Variants in MCC observed in about 807,000 individuals in gnomAD.
The protein encoded by MCC is MCC regulator of Wnt signaling pathway.
In MCC, 90 loss-of-function variants were observed where a neutral mutation model predicts 116.2. The observed-to-expected ratio is 0.77, with a 90% confidence interval of 0.65 to 0.92. MCC has a LOEUF of 0.92. MCC is among the 40% of genes least tolerant of loss of function. The pLI is 0.00. For synonymous variants in MCC, 578 were observed against 510.5 expected, an observed-to-expected ratio of 1.13 and a Z score of -1.78; for missense variants, 1,516 against 1,312.2, an observed-to-expected ratio of 1.16 and a Z score of -2.40.
chr5:113,087,666 T>C (rs751611007), intron 8 of MCC, among the ~76,000 whole-genome samples: 27 of 152,300 alleles, frequency 1.8e-4, no homozygotes, highest in South Asian at 8.3e-4. Flanking sequence ...GATAAGGTCC[T>C]GAATAATTAA....
intron 3 of MCC, among the ~76,000 whole-genome samples, chr5:113,293,920 A>C (rs1443450759): frequency 6.6e-6 from 1 of 151,848 alleles, no homozygotes; most frequent in African/African-American, 2.4e-5. Context: ...CCCCCTCACC[A>C]CCACCACCCC....
intron 3 of MCC, among the ~76,000 whole-genome samples, chr5:113,225,224 T>C (rs1042924505): frequency 2.0e-5 from 3 of 152,218 alleles, no homozygotes; most frequent in Non-Finnish European, 4.4e-5. Context: ...CTTATGTGTT[T>C]TCCTGTATAT....
intron 1 of MCC, among the ~76,000 whole-genome samples, chr5:113,429,602 T>C (rs1283861504): frequency 6.6e-6 from 1 of 152,282 alleles, no homozygotes; most frequent in Non-Finnish European, 1.5e-5. Flanking sequence ...ACCTCTTTTC[T>C]CCAGGTCCTT....
At chr5:113,160,129 C>T (rs917500845) in intron 3 of MCC, among the ~76,000 whole-genome samples, 10 of 152,200 alleles carry the variant, frequency 6.6e-5, no homozygotes, top group African/African-American at 1.2e-4. Context: ...CCAAGGATGG[C>T]TGATATAGGG....
chr5:113,328,014 T>C (rs1767609813), intron 3 of MCC, among the ~76,000 whole-genome samples: 2 of 152,194 alleles, frequency 1.3e-5, no homozygotes, highest in South Asian at 4.1e-4. Flanking sequence ...ACAAGTATAA[T>C]TGACACCATA....
chr5:113,477,686 T>C (rs1314312624), intron 1 of MCC, among the ~76,000 whole-genome samples: 1 of 152,174 alleles, frequency 6.6e-6, no homozygotes, highest in East Asian at 1.9e-4. Flanking sequence ...GAAGGAATGC[T>C]TTAGATAAAA....
At chr5:113,126,185 T>C (rs1758039517) in intron 5 of MCC, among the ~76,000 whole-genome samples, 1 of 152,158 alleles carries the variant, frequency 6.6e-6, no homozygotes, top group Non-Finnish European at 1.5e-5. Context: ...TAATGTTTGC[T>C]CCTAGCTTAA....
chr5:113,120,357 ACTC>A (rs2150268705), intron 6 of MCC, among the ~76,000 whole-genome samples: 1 of 152,196 alleles, frequency 6.6e-6, no homozygotes, highest in East Asian at 1.9e-4. Context: ...AAGTGTCTTC[ACTC>A]CTCAACATAA....
At chr5:113,065,267 C>T (rs1753522830) in intron 13 of MCC, among the ~76,000 whole-genome samples, 2 of 152,108 alleles carry the variant, frequency 1.3e-5, no homozygotes, top group African/African-American at 2.4e-5. Context: ...ACGCTGAAAA[C>T]GGGGGAGGCC....
rs138716739 is a variant in MCC, at chr5:113,261,979, G to A, written c.627+78540C>T. ...AATAAAAAAAATTCCAATAGTCTAT[G>A]TGTCTATCTACCCCTCTGATAATTA... On this transcript the variant is annotated intron_variant, in intron 3 of 18. Coordinates refer to ENST00000408903, the MANE Select transcript of MCC (RefSeq NM_001085377.2). Among the ~76,000 whole-genome samples, 387 of 152,188 alleles carry A rather than the reference G, an allele frequency of 2.5e-3. 2 individuals are homozygous for A. Among genetic ancestry groups the A allele is most frequent in the East Asian group, 9.3e-3 (48 of 5,188 alleles).
chr5:113,402,788 A>T (rs1769729161), intron 1 of MCC, among the ~76,000 whole-genome samples: 1 of 152,100 alleles, frequency 6.6e-6, no homozygotes, highest in Non-Finnish European at 1.5e-5. Context: ...CAGGCAAGAA[A>T]TGTTGTCATT....
intron 3 of MCC, among the ~76,000 whole-genome samples, chr5:113,181,092 G>C (rs1310313543): frequency 6.6e-6 from 1 of 152,170 alleles, no homozygotes; most frequent in Non-Finnish European, 1.5e-5. Flanking sequence ...CTATGTGAAC[G>C]ATGACACTTA....
intron 3 of MCC, among the ~76,000 whole-genome samples, chr5:113,295,282 TGCA>T (rs1376975073): frequency 1.3e-5 from 2 of 152,098 alleles, no homozygotes; most frequent in Non-Finnish European, 2.9e-5. Flanking sequence ...GACAGCACGG[TGCA>T]CTTCTCACGG....
chr5:113,242,908 A>T (rs2150339879), intron 3 of MCC, among the ~76,000 whole-genome samples: 1 of 152,340 alleles, frequency 6.6e-6, no homozygotes, highest in South Asian at 2.1e-4. Flanking sequence ...GGGTGATAGG[A>T]GCCAGTGGTG....
chr5:113,111,716 T>C (rs892856261), intron 6 of MCC, among the ~76,000 whole-genome samples: 3 of 152,230 alleles, frequency 2.0e-5, no homozygotes, highest in Non-Finnish European at 4.4e-5. Flanking sequence ...TTACACGTCA[T>C]TTCATTTAAA....
chr5:113,057,699 A>C (rs1752927719), intron 14 of MCC, among the ~76,000 whole-genome samples: 1 of 152,248 alleles, frequency 6.6e-6, no homozygotes, highest in South Asian at 2.1e-4. Context: ...TCTGCCTGCA[A>C]CCTGCTCAGC....
intron 3 of MCC, among the ~76,000 whole-genome samples, chr5:113,247,075 A>T (rs772359002): frequency 2.0e-5 from 3 of 152,248 alleles, no homozygotes; most frequent in Non-Finnish European, 4.4e-5. Context: ...TGACAAAGGA[A>T]GGTGCTGGAC....
At chr5:113,469,477 A>T (rs1208234242) in intron 1 of MCC, among the ~76,000 whole-genome samples, 4 of 152,194 alleles carry the variant, frequency 2.6e-5, no homozygotes, top group Admixed American at 2.6e-4. Context: ...TTCAGTTTCC[A>T]TGTAGTTGTG....
intron 3 of MCC, among the ~76,000 whole-genome samples, chr5:113,215,467 G>T (rs906895721): frequency 2.6e-5 from 4 of 152,136 alleles, no homozygotes; most frequent in African/African-American, 9.7e-5. Context: ...ATGTGATAGT[G>T]GTTAAGGGTG....
Sources: allele counts gnomAD v4.1 joint callset (sites outside exome capture counted in the v4.1 genomes callset), GRCh38; gene constraint gnomAD v4.1.1; transcripts MANE v1.5; gene names NCBI Gene and HGNC (gene_info 2026-07-23, HGNC 2026-07-21).